Variants in CRHR2 observed in about 807,000 individuals in gnomAD.
CRHR2 encodes corticotropin releasing hormone receptor 2.
Under a neutral mutation model 57.9 loss-of-function variants are expected in CRHR2, and 53 were observed. The ratio of observed to expected loss-of-function variants is 0.92; its 90% CI spans 0.73 to 1.15. The LOEUF is 1.15. Among genes scored for constraint, CRHR2 ranks in the 50% most tolerant of loss-of-function variants. The pLI, the probability that CRHR2 is intolerant of heterozygous loss-of-function variation, is 0.00. For synonymous variants in CRHR2, 213 were observed against 220.9 expected (o/e 0.96, Z 0.32); for missense variants, 532 against 542.6 (o/e 0.98, Z 0.19).
intron 1 of CRHR2, among the ~76,000 whole-genome samples, chr7:30,693,389 G>A (rs373042484): frequency 9.2e-5 from 14 of 152,258 alleles, no homozygotes; most frequent in African/African-American, 3.1e-4. Flanking sequence ...GAGCCTCCGT[G>A]AAACCCCTCA....
intron 2 of CRHR2, among the ~76,000 whole-genome samples, chr7:30,671,828 GATGATGATGATGATA>G (rs1257232768): frequency 2.7e-5 from 4 of 146,556 alleles, no homozygotes; most frequent in South Asian, 2.2e-4. Context: ...TGATGATGAT[GATGATGATGATGATA>G]ATGATGATGA....
At position 30,665,564 on chromosome 7, in the gene CRHR2, G is replaced by C. The variant is rs1784156847; in HGVS notation, c.391C>G (p.Leu131Val). 6.4e-7 allele frequency: 1 copy of C among 1,564,102 alleles called. No homozygotes were observed. The highest frequency in any genetic ancestry group is 2.4e-5 in the East Asian group (1 of 41,826). ...YLGHCVSVAA[L>V]VAAFLLFLAL... Reference sequence around the variant, plus strand: ...AGGAAAAGCAGGAAGGCGGCCACCAGGGCTGCCACAGATACGCAGTGGCCC... The same window carrying C: ...AGGAAAAGCAGGAAGGCGGCCACCACGGCTGCCACAGATACGCAGTGGCCC... The change falls in exon 4 of 12, where the codon CTG (leucine) becomes GTG (valine). Residue 131 changes from leucine to valine, a missense_variant. By Grantham distance (32) the Leu-to-Val change is conservative (BLOSUM62 1). Transcript: ENST00000471646. The surrounding 1 kb of genome is among the most constrained non-coding windows in gnomAD (Gnocchi z 4.5).
rs1448006936 is a variant in CRHR2, at chr7:30,682,051, G to C, written c.104-11C>G. On this transcript the variant is annotated splice_polypyrimidine_tract_variant and intron_variant, in intron 1 of 11. Coordinates refer to ENST00000471646, the MANE Select transcript of CRHR2 (RefSeq NM_001883.5). ...AGTAGGAGTAGGGACCTGGCGGCGG[G>C]AGAGAGCGCAGTAGGGCTCAGAGGG... is the stretch of plus-strand genomic sequence containing the variant. 1.9e-6 allele frequency: 3 copies of C among 1,574,150 alleles called. No individual in the cohort carries two copies. The African/African-American group carries it at 4.0e-5, about 21-fold the overall frequency.
upstream of CRHR2, among the ~76,000 whole-genome samples, chr7:30,683,489 G>A (rs1209550156): frequency 6.6e-6 from 1 of 152,292 alleles, no homozygotes; most frequent in South Asian, 2.1e-4. Context: ...GAGTGCCCAG[G>A]GCGGGCCTGC....
intron 5 of CRHR2, among the ~76,000 whole-genome samples, chr7:30,663,561 G>A (rs137878214): frequency 6.6e-6 from 1 of 152,234 alleles, no homozygotes; most frequent in Admixed American, 6.5e-5. Flanking sequence ...CTGTGGTTCC[G>A]TGCCTTCCCA....
intron 2 of CRHR2, among the ~76,000 whole-genome samples, chr7:30,675,239 C>T (rs1002113939): frequency 6.6e-6 from 1 of 152,166 alleles, no homozygotes; most frequent in Admixed American, 6.5e-5. Context: ...GCCAAGAAGC[C>T]CTGTGGGGAG....
At chr7:30,668,338 G>A (rs527836709) in intron 2 of CRHR2, among the ~76,000 whole-genome samples, 18 of 152,130 alleles carry the variant, frequency 1.2e-4, no homozygotes, top group African/African-American at 4.3e-4. Flanking sequence ...GCCTGCCTCT[G>A]CTTGGCCTTC....
At chr7:30,697,760 C>T (rs1252541694) in intron 1 of CRHR2, among the ~76,000 whole-genome samples, 1 of 152,294 alleles carries the variant, frequency 6.6e-6, no homozygotes, top group South Asian at 2.1e-4. Context: ...GGCCCTGGGG[C>T]CTTACCCCCA....
At chr7:30,686,455 CA>C (rs1409776561), upstream of CRHR2, 1 of 1,529,818 alleles carries the variant, frequency 6.5e-7, no homozygotes, top group Admixed American at 2.0e-5. Context: ...CCCATTTGAC[CA>C]ACCCTGGCAT....
At chr7:30,684,582 T>G (rs1784816889), upstream of CRHR2, among the ~76,000 whole-genome samples, 1 of 152,124 alleles carries the variant, frequency 6.6e-6, no homozygotes, top group South Asian at 2.1e-4. Context: ...CAAAGATTCT[T>G]CTGGGAAGTG....
At chr7:30,680,314 CAGCTT>C (rs1399384254) in intron 2 of CRHR2, among the ~76,000 whole-genome samples, 2 of 152,244 alleles carry the variant, frequency 1.3e-5, no homozygotes, top group East Asian at 3.8e-4. Flanking sequence ...TTACTGTACT[CAGCTT>C]GGCTATGAAG....
chr7:30,685,001 C>A (rs1784826703), upstream of CRHR2, among the ~76,000 whole-genome samples: 1 of 152,154 alleles, frequency 6.6e-6, no homozygotes. Flanking sequence ...CAGCTGGAGG[C>A]CAGGAATTAG....
intron 2 of CRHR2, among the ~76,000 whole-genome samples, chr7:30,675,642 C>G (rs1006009936): frequency 1.3e-5 from 2 of 152,196 alleles, no homozygotes; most frequent in Non-Finnish European, 2.9e-5. Flanking sequence ...ACATCATTAG[C>G]TCAATTTTTC....
intron 11 of CRHR2, chr7:30,654,566 T>C (rs1562791571): frequency 5.1e-6 from 5 of 982,542 alleles, no homozygotes; most frequent in Non-Finnish European, 7.4e-6. Flanking sequence ...TTGGGCCTCA[T>C]GATTGGCTTG....
Position 30,656,135 on chromosome 7 carries a change from T to C in CRHR2, c.832-123A>G, listed in dbSNP as rs1783781727. On this transcript the variant is annotated intron_variant, in intron 8 of 11. Transcript: ENST00000471646. The surrounding 1 kb of genome is among the most constrained non-coding windows in gnomAD (Gnocchi z 4.4). ...CGATGTCCCACGCACACACCTATCC[T>C]ACCTGTCCCCCTAGCACCTGCCAGC... 3.0e-5 allele frequency: 25 copies of C among 835,522 alleles called. No homozygotes were observed. In the South Asian group the frequency reaches 3.8e-4, roughly 13 times the overall value. 51.8% of individuals were successfully genotyped at this position (835,522 alleles called of 1,614,324 possible).
At chr7:30,689,847 C>A (rs183842317) in intron 1 of CRHR2, among the ~76,000 whole-genome samples, 1 of 152,172 alleles carries the variant, frequency 6.6e-6, no homozygotes, top group Admixed American at 6.5e-5. Flanking sequence ...TAGGTTAATA[C>A]GTGAGAGAAG....
chr7:30,689,103 TG>T, intron 2 of CRHR2: 1 of 1,226,872 alleles, frequency 8.2e-7, no homozygotes, highest in Non-Finnish European at 1.2e-6. Flanking sequence ...CTGCTGAGCC[TG>T]GGCTGGCCCC....
At chr7:30,663,067 G>GT (rs945039638) in intron 5 of CRHR2, among the ~76,000 whole-genome samples, 9 of 152,160 alleles carry the variant, frequency 5.9e-5, no homozygotes, top group South Asian at 2.1e-4. Flanking sequence ...GGGCCAACGT[G>GT]TTTTTTTTAA....
intron 8 of CRHR2, among the ~76,000 whole-genome samples, chr7:30,659,264 T>G (rs1783902961): frequency 6.6e-6 from 1 of 152,198 alleles, no homozygotes; most frequent in Non-Finnish European, 1.5e-5. Flanking sequence ...AGCATGGAGC[T>G]GGGTCTTGAC....
Sources: allele counts gnomAD v4.1 joint callset (sites outside exome capture counted in the v4.1 genomes callset), GRCh38; gene constraint gnomAD v4.1.1; non-coding constraint Gnocchi (gnomAD v3.1); transcripts MANE v1.5; gene names NCBI Gene and HGNC (gene_info 2026-07-23, HGNC 2026-07-21).